MIS18BP1: variants seen among roughly 807,000 people sequenced by gnomAD.
MIS18BP1 encodes the protein MIS18 binding protein 1.
Under a neutral mutation model 116.1 loss-of-function variants are expected in MIS18BP1, and 72 were observed. That is an observed-to-expected ratio of 0.62 (90% confidence interval 0.51 to 0.75). The LOEUF (loss-of-function observed/expected upper bound fraction) is 0.75, where lower values mean the gene tolerates loss of function less well. MIS18BP1 is among the 30% of genes least tolerant of loss of function. The pLI is 0.00. For missense variants in MIS18BP1, 1,363 were observed against 1,303.2 expected (o/e 1.05, Z -0.71); for synonymous variants, 386 against 427.0 (o/e 0.90, Z 1.18).
rs974787590 is a variant in MIS18BP1 at position 45,241,862 on chromosome 14, A to G, written c.1143+172T>C. The G allele has an allele frequency of 4.9e-5, 34 of 695,550 alleles. No individual in the cohort carries two copies. In the East Asian group the frequency reaches 9.6e-4, roughly 20 times the overall value. The allele number at this position is 695,550 out of a possible 1,614,324, so 43.1% of individuals were successfully genotyped here. A position where few individuals can be genotyped will look rare whatever the true frequency, so the allele number is the denominator to read the frequency against. ...AACTCACTGTTCTTTTCACTATGTCACACTGTCACTGCAGTAAATAATAAA... is the reference window on the plus strand; with the variant it reads ...AACTCACTGTTCTTTTCACTATGTCGCACTGTCACTGCAGTAAATAATAAA... On this transcript the variant is annotated intron_variant, in intron 4 of 16. Coordinates refer to ENST00000310806, the MANE Select transcript of MIS18BP1 (RefSeq NM_018353.5).
In MIS18BP1 at chr14:45,227,784, GGTGACTCACTGT is replaced by G. The variant is rs1891166338; in HGVS notation, c.1613_1624del (p.His538_Ser541del). On this transcript the variant is annotated inframe_deletion, in exon 9 of 17. Transcript: ENST00000310806. ...GCACATGTTTAATTCTGTAGCTCCTGGTGACTCACTGTGCTTATTACTCTTCAGTTCTATGAA... is the reference window on the plus strand; with the variant it reads ...GCACATGTTTAATTCTGTAGCTCCTGGCTTATTACTCTTCAGTTCTATGAA... 6.2e-7 allele frequency: 1 copy of G among 1,613,790 alleles called. No homozygotes were observed. Among genetic ancestry groups the G allele is most frequent in the Admixed American group, 1.7e-5 (1 of 59,994 alleles).
intron 1 of MIS18BP1, among the ~76,000 whole-genome samples, chr14:45,250,357 G>A (rs1191766879): frequency 6.6e-6 from 1 of 152,162 alleles, no homozygotes; most frequent in Admixed American, 6.5e-5. Flanking sequence ...AAACCACTGG[G>A]TCTAGATAAT....
rs1235034273 is a variant in MIS18BP1, at chr14:45,223,842, C to T, written c.2669+76G>A. On this transcript the variant is annotated intron_variant, in intron 11 of 16. Transcript: ENST00000310806. ...TTAATGACATCTTCCATGTTAACCC[C>T]TTATTGCTATTTTTATGTCTTTAAC... The T allele has an allele frequency of 1.7e-5, 19 of 1,100,942 alleles. No individual in the cohort carries two copies. The East Asian group carries it at 4.2e-4, about 24-fold the overall frequency. The allele number at this position is 1,100,942 out of a possible 1,614,324, so 68.2% of individuals were successfully genotyped here.
intron 1 of MIS18BP1, among the ~76,000 whole-genome samples, chr14:45,248,626 T>A (rs1891787858): frequency 6.6e-6 from 1 of 152,092 alleles, no homozygotes; most frequent in South Asian, 2.1e-4. Flanking sequence ...AAATATCAAG[T>A]ATCTTTATCT....
chr14:45,229,845 A>T (rs1311296954), intron 8 of MIS18BP1, among the ~76,000 whole-genome samples: 1 of 152,242 alleles, frequency 6.6e-6, no homozygotes, highest in Non-Finnish European at 1.5e-5. Context: ...AGCAATAAAA[A>T]TAGGCAATAT....
intron 1 of MIS18BP1, chr14:45,250,093 C>G (rs1176463037): frequency 6.6e-6 from 1 of 152,146 alleles, no homozygotes; most frequent in African/African-American, 2.4e-5. Flanking sequence ...CGTTGAAAGG[C>G]TCCAAGAACC....
chr14:45,249,608 C>T (rs995699246), intron 1 of MIS18BP1, among the ~76,000 whole-genome samples: 3 of 152,182 alleles, frequency 2.0e-5, no homozygotes, highest in Admixed American at 6.5e-5. Flanking sequence ...CAGTGGCTCA[C>T]GCCTATAATC....
Position 45,242,442 on chromosome 14 carries a change from C to T in MIS18BP1, c.735G>A (p.Gln245=), listed in dbSNP as rs752601817. The change falls in exon 4 of 17, where the codon CAG becomes CAA. Residue 245 remains glutamine (Q), a synonymous_variant. Coordinates refer to ENST00000310806, the MANE Select transcript of MIS18BP1 (RefSeq NM_018353.5). ...EARNKTLTRA[Q]LAKQIFHSKE... ...TTGAGTGAAAAATTTGTTTAGCCAA[C>T]TGAGCTCTAGTTAATGTCTTGTTTC... The T allele has an allele frequency of 2.5e-6, 4 of 1,613,732 alleles. No individual in the cohort carries two copies. The East Asian group carries it at 8.9e-5, about 36-fold the overall frequency.
At position 45,233,412 on chromosome 14, in the gene MIS18BP1, CT is replaced by C. The variant is rs896609543; in HGVS notation, c.1349-593del. 9.2e-5 allele frequency among the ~76,000 whole-genome samples: 14 copies of C among 152,170 alleles called. 1 individual carries two copies. Among genetic ancestry groups the C allele is most frequent in the Admixed American group, 6.5e-4 (10 of 15,276 alleles). ...GTCATTTTATAGAACTGACCATTTA[CT>C]TTGGACAAGATGAGAAGCTATGGAA... is the stretch of plus-strand genomic sequence containing the variant. On this transcript the variant is annotated intron_variant, in intron 6 of 16. Transcript: ENST00000310806.
At chr14:45,229,451 C>G (rs146975083) in intron 8 of MIS18BP1, among the ~76,000 whole-genome samples, 59 of 151,700 alleles carry the variant, frequency 3.9e-4, no homozygotes, top group African/African-American at 1.4e-3. Flanking sequence ...CTGCAGTGAG[C>G]CATGATTGCA....
intron 6 of MIS18BP1, among the ~76,000 whole-genome samples, chr14:45,235,485 G>A (rs531832215): frequency 6.7e-6 from 1 of 150,252 alleles, no homozygotes; most frequent in Admixed American, 6.6e-5. Context: ...GGCTACTCAG[G>A]AGGCTGAGGC....
rs1333623657 is a variant in MIS18BP1, at chr14:45,227,806, T to A, written c.1603A>T (p.Ser535Cys). 1.2e-6 allele frequency: 2 copies of A among 1,613,298 alleles called. No homozygotes were observed. The highest frequency in any genetic ancestry group is 1.7e-6 in the Non-Finnish European group (2 of 1,179,624). The change falls in exon 9 of 17, where the codon AGT (serine) becomes TGT (cysteine). Residue 535 changes from serine (S) to cysteine (C), a missense_variant. Physicochemically the swap from Ser to Cys is moderately radical, Grantham distance 112. Transcript: ENST00000310806. ...CCTGGTGACTCACTGTGCTTATTAC[T>A]CTTCAGTTCTATGAATACAAAGATG... ...DFDCDNLELKSNKHSESPGAT... is the reference protein window; with the variant it reads ...DFDCDNLELKCNKHSESPGAT...
intron 2 of MIS18BP1, 126 bp downstream of exon 2, chr14:45,246,617 T>G: frequency 4.4e-5 from 30 of 687,452 alleles, no homozygotes; most frequent in Non-Finnish European, 6.4e-5. Context: ...CATGTGAATA[T>G]GAGCTACACA....
At chr14:45,208,870 C>G (rs954374734) in intron 14 of MIS18BP1, among the ~76,000 whole-genome samples, 1 of 152,172 alleles carries the variant, frequency 6.6e-6, no homozygotes, top group Non-Finnish European at 1.5e-5. Flanking sequence ...TTCTGCCTCT[C>G]ATTCTGTGGA....
At chr14:45,218,555 G>A (rs1890886562) in intron 11 of MIS18BP1, 101 bp from the exon 12 acceptor site, 16 of 1,085,714 alleles carry the variant, frequency 1.5e-5, no homozygotes, top group Admixed American at 1.0e-4. Context: ...CTGAGATGAA[G>A]GAATCAGTTT....
chr14:45,239,172 C>A (rs1891507498), intron 4 of MIS18BP1, among the ~76,000 whole-genome samples: 2 of 152,130 alleles, frequency 1.3e-5, no homozygotes, highest in Admixed American at 1.3e-4. Flanking sequence ...GAGTTCTACA[C>A]ACTGTTTTAG....
At chr14:45,218,512 C>A in intron 11 of MIS18BP1, 58 bp from the exon 12 acceptor site, 1 of 1,455,584 alleles carries the variant, frequency 6.9e-7, no homozygotes, top group Non-Finnish European at 9.2e-7. Context: ...ACAATAACCT[C>A]TTAAAAGCAT....
intron 11 of MIS18BP1, among the ~76,000 whole-genome samples, chr14:45,221,770 G>A (rs925600988): frequency 3.3e-5 from 5 of 152,202 alleles, no homozygotes; most frequent in African/African-American, 9.7e-5. Flanking sequence ...GACTGATGGT[G>A]TTGTTCAGTT....
chr14:45,249,296 T>C (rs1266774838), intron 1 of MIS18BP1, among the ~76,000 whole-genome samples: 2 of 152,158 alleles, frequency 1.3e-5, no homozygotes, highest in Non-Finnish European at 2.9e-5. Flanking sequence ...TTCACCATAT[T>C]GGTCAGGCTG....
Sources: gnomAD v4.1 joint callset for allele counts (sites outside exome capture counted in the v4.1 genomes callset) on GRCh38, gnomAD v4.1.1 for gene constraint, MANE v1.5 for transcripts, NCBI Gene and HGNC (gene_info 2026-07-23, HGNC 2026-07-21) for gene names.